FSTL5: variants seen among roughly 807,000 people sequenced by gnomAD.
FSTL5 encodes follistatin like 5.
In FSTL5, 62 loss-of-function variants were observed where a neutral mutation model predicts 89.1. That is an observed-to-expected ratio of 0.70 (90% confidence interval 0.57 to 0.86). The LOEUF is 0.86. FSTL5 is among the 40% of genes least tolerant of loss of function. The pLI is 0.00. For synonymous variants in FSTL5, 383 were observed against 346.2 expected, an observed-to-expected ratio of 1.11 and a Z score of -1.18; for missense variants, 1,057 against 1,001.6, an observed-to-expected ratio of 1.06 and a Z score of -0.75.
At chr4:161,617,622 G>C (rs1021646570) in intron 7 of FSTL5, among the ~76,000 whole-genome samples, 1 of 152,122 alleles carries the variant, frequency 6.6e-6, no homozygotes, top group African/African-American at 2.4e-5. Flanking sequence ...AAAACAGCCG[G>C]AAGGAAATAA....
chr4:161,783,191 T>C (rs1741732210), intron 4 of FSTL5, among the ~76,000 whole-genome samples: 1 of 152,204 alleles, frequency 6.6e-6, no homozygotes, highest in Non-Finnish European at 1.5e-5. Context: ...ACATATTAGC[T>C]ATTATAACTC....
chr4:161,740,587 C>A (rs1231796730), intron 6 of FSTL5, among the ~76,000 whole-genome samples: 1 of 152,090 alleles, frequency 6.6e-6, no homozygotes, highest in Non-Finnish European at 1.5e-5. Flanking sequence ...TTTGAATTTC[C>A]ATGTTATTTA....
intron 6 of FSTL5, among the ~76,000 whole-genome samples, chr4:161,689,718 G>A (rs995045265): frequency 1.1e-4 from 16 of 152,134 alleles, no homozygotes; most frequent in Middle Eastern, 3.4e-3. Flanking sequence ...TATTCACAAT[G>A]CTGTGAAACC....
At chr4:161,951,151 T>G (rs555316047) in intron 3 of FSTL5, among the ~76,000 whole-genome samples, 1 of 152,162 alleles carries the variant, frequency 6.6e-6, no homozygotes, top group Non-Finnish European at 1.5e-5. Context: ...ATATAAGATG[T>G]GCCTTTGCTC....
chr4:162,031,441 G>A (rs142188082), intron 3 of FSTL5, among the ~76,000 whole-genome samples: 1 of 152,214 alleles, frequency 6.6e-6, no homozygotes, highest in Non-Finnish European at 1.5e-5. Context: ...CAATGAGTAA[G>A]CTATAGCTTT....
At chr4:161,909,426 G>T (rs1036458497) in intron 4 of FSTL5, among the ~76,000 whole-genome samples, 1 of 152,008 alleles carries the variant, frequency 6.6e-6, no homozygotes, top group East Asian at 1.9e-4. Context: ...TGGAGACAAG[G>T]ACACCACCGT....
chr4:161,817,306 T>C (rs545994378), intron 4 of FSTL5, among the ~76,000 whole-genome samples: 117 of 152,294 alleles, frequency 7.7e-4, no homozygotes, highest in Non-Finnish European at 1.4e-3. Context: ...ATAAGATACA[T>C]TCAGGGTCAG....
chr4:162,110,193 T>C (rs923497793), intron 2 of FSTL5, among the ~76,000 whole-genome samples: 1 of 152,084 alleles, frequency 6.6e-6, no homozygotes, highest in Non-Finnish European at 1.5e-5. Context: ...ATTATCCCAA[T>C]TAATATATTT....
intron 7 of FSTL5, among the ~76,000 whole-genome samples, chr4:161,630,352 G>A (rs1029342791): frequency 6.6e-6 from 1 of 152,148 alleles, no homozygotes; most frequent in African/African-American, 2.4e-5. Flanking sequence ...CTTTCGTCTT[G>A]GTTTGTGTTT....
chr4:162,063,425 T>C (rs1264801293), intron 2 of FSTL5, among the ~76,000 whole-genome samples: 1 of 151,852 alleles, frequency 6.6e-6, no homozygotes, highest in Non-Finnish European at 1.5e-5. Flanking sequence ...ACTTCCTAAG[T>C]TTTATTGATA....
At chr4:161,932,500 C>A (rs1734318516) in intron 3 of FSTL5, among the ~76,000 whole-genome samples, 1 of 151,392 alleles carries the variant, frequency 6.6e-6, no homozygotes. Context: ...CAATGGCTAT[C>A]CTATAAGAAT....
intron 8 of FSTL5, among the ~76,000 whole-genome samples, chr4:161,565,223 C>G (rs915160358): frequency 1.1e-5 from 1 of 90,126 alleles, no homozygotes; most frequent in African/African-American, 4.6e-5. Flanking sequence ...CATATCTTGC[C>G]TATCATCATC....
chr4:161,808,275 A>G (rs1730029172), intron 4 of FSTL5, among the ~76,000 whole-genome samples: 1 of 152,138 alleles, frequency 6.6e-6, no homozygotes, highest in African/African-American at 2.4e-5. Context: ...CTAAAAAAAA[A>G]TCAAACATAG....
chr4:161,890,808 T>C (rs1265804370), intron 4 of FSTL5, among the ~76,000 whole-genome samples: 3 of 152,024 alleles, frequency 2.0e-5, no homozygotes, highest in Non-Finnish European at 4.4e-5. Flanking sequence ...ATTCAGTTAA[T>C]GAAAACCATA....
At chr4:161,424,358 T>C (rs1288704383) in intron 15 of FSTL5, among the ~76,000 whole-genome samples, 1 of 151,700 alleles carries the variant, frequency 6.6e-6, no homozygotes, top group Admixed American at 6.6e-5. Flanking sequence ...TACTGTTTAG[T>C]GGGAACATAG....
chr4:161,417,981 G>A (rs1731844934), intron 15 of FSTL5, among the ~76,000 whole-genome samples: 2 of 151,984 alleles, frequency 1.3e-5, no homozygotes, highest in South Asian at 2.1e-4. Flanking sequence ...GTTCAACATC[G>A]TTTCATTATA....
intron 12 of FSTL5, among the ~76,000 whole-genome samples, chr4:161,490,798 A>C (rs1729844844): frequency 1.3e-5 from 2 of 152,192 alleles, no homozygotes; most frequent in African/African-American, 4.8e-5. Flanking sequence ...CTACATAAGA[A>C]TGACTACAAA....
At chr4:161,821,150 A>G (rs1730481482) in intron 4 of FSTL5, among the ~76,000 whole-genome samples, 1 of 151,978 alleles carries the variant, frequency 6.6e-6, no homozygotes, top group Non-Finnish European at 1.5e-5. Flanking sequence ...TGATCCTCCC[A>G]CCTTAGCCTC....
intron 15 of FSTL5, among the ~76,000 whole-genome samples, chr4:161,432,659 T>C (rs1351764324): frequency 6.7e-6 from 1 of 150,024 alleles, no homozygotes; most frequent in Non-Finnish European, 1.5e-5. Context: ...TTTTGAAATA[T>C]AAATAAAAGT....
Sources: gnomAD v4.1 joint callset for allele counts (sites outside exome capture counted in the v4.1 genomes callset) on GRCh38, gnomAD v4.1.1 for gene constraint, MANE v1.5 for transcripts, NCBI Gene and HGNC (gene_info 2026-07-23, HGNC 2026-07-21) for gene names.